GRM3: variants seen among roughly 807,000 people sequenced by gnomAD.
GRM3 encodes metabotropic glutamate receptor 3.
A neutral mutation model predicts 70.5 loss-of-function variants in GRM3; 26 were observed. The ratio of observed to expected loss-of-function variants is 0.37; its 90% CI spans 0.27 to 0.51. GRM3 has a LOEUF of 0.51. Among genes scored for constraint, GRM3 ranks in the 20% least tolerant of loss-of-function variants. The pLI is 0.93. For missense variants in GRM3, 859 were observed against 1,123.8 expected (o/e 0.76, Z 3.37); for synonymous variants, 443 against 434.9 (o/e 1.02, Z -0.23).
Position 86,786,194 on chromosome 7 carries a change from A to G in GRM3, c.469-67A>G, listed in dbSNP as rs1386287350. 23 of 1,350,476 alleles carry G rather than the reference A, an allele frequency of 1.7e-5. No homozygotes were observed. Among genetic ancestry groups the G allele is most frequent in the Non-Finnish European group, 2.3e-5 (22 of 971,804 alleles). 83.7% of individuals were successfully genotyped at this position (1,350,476 alleles called of 1,614,324 possible). A position where few individuals can be genotyped will look rare whatever the true frequency, so the allele number is the denominator to read the frequency against. On this transcript the variant is annotated intron_variant, in intron 2 of 5. Transcript: ENST00000361669. This position sits in a 1 kb window ranked among gnomAD's most constrained non-coding sequence, Gnocchi z 6.0. ...GTCAGTAAAAGGTGTGGATGCTATTATTCATTTTCATGTCCAGTCATCTAC... is the reference window on the plus strand; with the variant it reads ...GTCAGTAAAAGGTGTGGATGCTATTGTTCATTTTCATGTCCAGTCATCTAC...
At chr7:86,706,960 G>T (rs1795073296) in intron 1 of GRM3, among the ~76,000 whole-genome samples, 1 of 151,960 alleles carries the variant, frequency 6.6e-6, no homozygotes, top group African/African-American at 2.4e-5. Context: ...ATTTTTCAGT[G>T]AACGTTATAA....
intron 1 of GRM3, among the ~76,000 whole-genome samples, chr7:86,722,453 G>A (rs1249657789): frequency 1.3e-5 from 2 of 152,018 alleles, no homozygotes; most frequent in African/African-American, 4.8e-5. Context: ...TCCTTTGCAG[G>A]GATGTGGATG....
chr7:86,782,224 T>C (rs1350666274), intron 2 of GRM3, among the ~76,000 whole-genome samples: 6 of 151,096 alleles, frequency 4.0e-5, no homozygotes, highest in Non-Finnish European at 8.9e-5. Context: ...GAGTCCTCCA[T>C]TGTGTGTTTT....
At chr7:86,678,238 A>G (rs1183942397) in intron 1 of GRM3, among the ~76,000 whole-genome samples, 2 of 152,044 alleles carry the variant, frequency 1.3e-5, no homozygotes, top group Non-Finnish European at 2.9e-5. Context: ...TATATCTTTC[A>G]TAAACAGAAA....
At chr7:86,715,341 T>C (rs1162623352) in intron 1 of GRM3, among the ~76,000 whole-genome samples, 4 of 151,992 alleles carry the variant, frequency 2.6e-5, no homozygotes, top group Admixed American at 6.6e-5. Flanking sequence ...TAAGACATAT[T>C]TGGGTTTACA....
chr7:86,840,055 T>C (rs1039601686), intron 4 of GRM3, 150 bp downstream of exon 4: 2 of 611,100 alleles, frequency 3.3e-6, no homozygotes, highest in South Asian at 2.0e-5. Context: ...TTAAAATTAA[T>C]TATGTATGTA....
chr7:86,725,758 C>G (rs534414770), intron 1 of GRM3, among the ~76,000 whole-genome samples: 3 of 152,096 alleles, frequency 2.0e-5, no homozygotes, highest in Non-Finnish European at 2.9e-5. Context: ...AAATTTATTT[C>G]TCATGCTTCT....
At chr7:86,706,596 T>G (rs978972296) in intron 1 of GRM3, among the ~76,000 whole-genome samples, 2 of 151,718 alleles carry the variant, frequency 1.3e-5, no homozygotes, top group Non-Finnish European at 2.9e-5. Flanking sequence ...CTAATGGAAA[T>G]GTAGAGTCAA....
chr7:86,847,352 C>T (rs1341749438), intron 4 of GRM3, among the ~76,000 whole-genome samples: 3 of 152,252 alleles, frequency 2.0e-5, no homozygotes, highest in Non-Finnish European at 4.4e-5. Context: ...CTTTGGCTTG[C>T]ACACTGGGTG....
chr7:86,855,686 C>T (rs1251782212), intron 5 of GRM3, among the ~76,000 whole-genome samples: 1 of 152,148 alleles, frequency 6.6e-6, no homozygotes, highest in Non-Finnish European at 1.5e-5. Flanking sequence ...GAACACTCTT[C>T]TAGAATCATG....
At chr7:86,739,823 A>C (rs1010261700) in intron 1 of GRM3, among the ~76,000 whole-genome samples, 2 of 152,218 alleles carry the variant, frequency 1.3e-5, no homozygotes, top group Non-Finnish European at 2.9e-5. Flanking sequence ...AGATTATCTA[A>C]GGCTCAAGAG....
chr7:86,771,539 C>T, intron 2 of GRM3, among the ~76,000 whole-genome samples: 1 of 151,978 alleles, frequency 6.6e-6, no homozygotes, highest in East Asian at 1.9e-4. Flanking sequence ...ACAGCAAGAA[C>T]AGTATTCCAT....
chr7:86,758,010 A>G (rs1478752934), intron 1 of GRM3, among the ~76,000 whole-genome samples: 2 of 152,158 alleles, frequency 1.3e-5, no homozygotes, highest in African/African-American at 2.4e-5. Context: ...AATAATGGTA[A>G]CGTCTTCCTA....
chr7:86,823,770 C>T (rs781160835), intron 3 of GRM3, among the ~76,000 whole-genome samples: 1 of 151,928 alleles, frequency 6.6e-6, no homozygotes, highest in African/African-American at 2.4e-5. Context: ...TGATCTTTCC[C>T]ACCACCCTCC....
chr7:86,791,258 G>C (rs1783102218), intron 3 of GRM3, among the ~76,000 whole-genome samples: 1 of 152,126 alleles, frequency 6.6e-6, no homozygotes, highest in African/African-American at 2.4e-5. Context: ...AAAGGAATGA[G>C]AAATTATAAA....
chr7:86,686,433 A>T (rs1794569247), intron 1 of GRM3, among the ~76,000 whole-genome samples: 1 of 152,240 alleles, frequency 6.6e-6, no homozygotes, highest in African/African-American at 2.4e-5. Context: ...AAACTCCAAA[A>T]AAGGAAACAA....
intron 3 of GRM3, among the ~76,000 whole-genome samples, chr7:86,787,966 C>G (rs2116556725): frequency 6.6e-6 from 1 of 152,302 alleles, no homozygotes; most frequent in African/African-American, 2.4e-5. Context: ...CATGGGATAT[C>G]TGCTTATTAA....
At chr7:86,856,405 C>G (rs758237577) in intron 5 of GRM3, among the ~76,000 whole-genome samples, 8 of 149,812 alleles carry the variant, frequency 5.3e-5, no homozygotes, top group Non-Finnish European at 7.4e-5. Context: ...GAGATCATGC[C>G]ACTGCACTCC....
intron 1 of GRM3, among the ~76,000 whole-genome samples, chr7:86,645,489 C>T (rs141315622): frequency 1.2e-3 from 186 of 152,266 alleles, no homozygotes; most frequent in African/African-American, 4.3e-3. Context: ...TTTCATCGAC[C>T]CTGTTCCATT....
Sources: gnomAD v4.1 joint callset for allele counts (sites outside exome capture counted in the v4.1 genomes callset) on GRCh38, gnomAD v4.1.1 for gene constraint, Gnocchi (gnomAD v3.1) non-coding constraint, MANE v1.5 for transcripts, NCBI Gene and HGNC (gene_info 2026-07-23, HGNC 2026-07-21) for gene names.